The following HDAC9 variants were observed in gnomAD, a reference collection of about 807,000 sequenced individuals.
The protein encoded by HDAC9 is MEF-2 interacting transcription repressor (MITR) protein.
A neutral mutation model predicts 139.4 loss-of-function variants in HDAC9; 41 were observed. The ratio of observed to expected loss-of-function variants is 0.29; its 90% CI spans 0.23 to 0.38. The LOEUF (loss-of-function observed/expected upper bound fraction) is 0.38, where lower values mean the gene tolerates loss of function less well. HDAC9 is among the 10% of genes least tolerant of loss of function. The pLI is 1.00. For synonymous variants in HDAC9, 517 were observed against 476.2 expected (o/e 1.09, Z -1.12); for missense variants, 1,147 against 1,297.0 (o/e 0.88, Z 1.78).
chr7:18,949,594 T>C (rs1782648340), intron 23 of HDAC9: 1 of 187,458 alleles, frequency 5.3e-6, no homozygotes, highest in African/African-American at 2.4e-5. Flanking sequence ...CGATGTGCAA[T>C]TCATCATAGG....
At chr7:18,370,196 T>C (rs552920005) in intron 1 of HDAC9, among the ~76,000 whole-genome samples, 1 of 152,298 alleles carries the variant, frequency 6.6e-6, no homozygotes, top group South Asian at 2.1e-4. Flanking sequence ...CTGGGTTACC[T>C]TCTCCCTGTA....
At chr7:18,378,619 A>G (rs1176929852) in intron 1 of HDAC9, among the ~76,000 whole-genome samples, 1 of 152,098 alleles carries the variant, frequency 6.6e-6, no homozygotes, top group African/African-American at 2.4e-5. Context: ...ATACATATAC[A>G]TATAAATATA....
intron 1 of HDAC9, among the ~76,000 whole-genome samples, chr7:18,474,411 C>G (rs1190030226): frequency 6.6e-6 from 1 of 152,200 alleles, no homozygotes; most frequent in South Asian, 2.1e-4. Context: ...CTGCTCGACT[C>G]TAGCCACAAT....
At chr7:18,760,423 C>G (rs1163181796) in intron 14 of HDAC9, among the ~76,000 whole-genome samples, 3 of 152,124 alleles carry the variant, frequency 2.0e-5, no homozygotes, top group Non-Finnish European at 4.4e-5. Flanking sequence ...TCCCAGCAAG[C>G]TACTTGGTTC....
intron 1 of HDAC9, among the ~76,000 whole-genome samples, chr7:18,422,159 T>G (rs533301278): frequency 5.9e-5 from 9 of 152,338 alleles, no homozygotes; most frequent in African/African-American, 7.2e-5. Flanking sequence ...CCAAGCACAC[T>G]AAAGACTTTT....
chr7:18,210,196 G>T (rs1342492748), intron 2 of HDAC9, among the ~76,000 whole-genome samples: 1 of 152,024 alleles, frequency 6.6e-6, no homozygotes, highest in East Asian at 1.9e-4. Context: ...GATATTCTGT[G>T]GTGTTCTGTG....
At chr7:18,108,124 T>C (rs893237093) in intron 1 of HDAC9, among the ~76,000 whole-genome samples, 1 of 152,180 alleles carries the variant, frequency 6.6e-6, no homozygotes, top group Admixed American at 6.6e-5. Context: ...AGTTGGGATA[T>C]GATATCCTAG....
intron 2 of HDAC9, among the ~76,000 whole-genome samples, chr7:18,258,537 T>C (rs302194): frequency 0.4 from 60,586 of 152,000 alleles, 12,953 homozygotes; most frequent in Admixed American, 0.51. Context: ...AATTTAGTTG[T>C]AAACAAGTTG....
At position 18,434,555 on chromosome 7, in the gene HDAC9, A is replaced by G. The variant is rs1238164795; in HGVS notation, c.-41-61707A>G. On this transcript the variant is annotated intron_variant, in intron 1 of 3. Transcript: ENST00000413509. ...ATTTAATCAAATTAACAGGCAAAAA[A>G]CAACTCTATTAGGAAGTGGGTAAAG... Among the ~76,000 whole-genome samples, 6 of 152,190 alleles carry G rather than the reference A, an allele frequency of 3.9e-5. 1 individual carries two copies. The East Asian group carries it at 1.2e-3, about 29-fold the overall frequency.
chr7:18,831,284 A>G (rs1795839137), intron 19 of HDAC9, among the ~76,000 whole-genome samples: 1 of 152,214 alleles, frequency 6.6e-6, no homozygotes, highest in Non-Finnish European at 1.5e-5. Context: ...GAGACTTGAA[A>G]GCTAAAATGC....
intron 22 of HDAC9, among the ~76,000 whole-genome samples, chr7:18,893,981 A>C (rs1403062882): frequency 3.9e-5 from 6 of 152,178 alleles, no homozygotes; most frequent in Non-Finnish European, 7.4e-5. Flanking sequence ...TGAGATGTTC[A>C]AGAGAAAAGG....
chr7:18,962,905 T>C (rs1451290228), intron 24 of HDAC9, among the ~76,000 whole-genome samples: 1 of 152,154 alleles, frequency 6.6e-6, no homozygotes, highest in East Asian at 1.9e-4. Context: ...CTTCTACTGG[T>C]AAGAAGGAAA....
At chr7:18,197,399 T>A (rs1790803768) in intron 2 of HDAC9, among the ~76,000 whole-genome samples, 1 of 152,114 alleles carries the variant, frequency 6.6e-6, no homozygotes, top group African/African-American at 2.4e-5. Flanking sequence ...GGAAAATATA[T>A]TTGGTTTTGA....
At chr7:18,367,299 C>T (rs74909967) in intron 1 of HDAC9, among the ~76,000 whole-genome samples, 20 of 152,120 alleles carry the variant, frequency 1.3e-4, no homozygotes, top group Non-Finnish European at 2.4e-4. Flanking sequence ...AGCCATGGGA[C>T]TAGTCCTTGC....
chr7:18,654,639 A>G (rs181766496), intron 11 of HDAC9, among the ~76,000 whole-genome samples: 80 of 152,270 alleles, frequency 5.3e-4, no homozygotes, highest in Non-Finnish European at 8.7e-4. Context: ...TTTTATGACC[A>G]AGCAGGAAAC....
At chr7:18,766,140 A>G (rs935709586) in intron 15 of HDAC9, among the ~76,000 whole-genome samples, 3 of 152,210 alleles carry the variant, frequency 2.0e-5, no homozygotes, top group African/African-American at 7.2e-5. Context: ...GAACAAATTA[A>G]TGGGATAGGT....
At chr7:18,263,482 T>C (rs2128208253) in intron 2 of HDAC9, among the ~76,000 whole-genome samples, 1 of 152,330 alleles carries the variant, frequency 6.6e-6, no homozygotes, top group South Asian at 2.1e-4. Context: ...TTGATTTCTG[T>C]TCACCTGTTG....
At chr7:18,944,816 C>A (rs1420578545) in intron 23 of HDAC9, among the ~76,000 whole-genome samples, 2 of 152,056 alleles carry the variant, frequency 1.3e-5, no homozygotes, top group Non-Finnish European at 2.9e-5. Flanking sequence ...ATAATTCTTA[C>A]TCATTTTGCT....
intron 2 of HDAC9, among the ~76,000 whole-genome samples, chr7:18,257,399 TCC>T (rs1491198154): frequency 9.9e-4 from 118 of 118,698 alleles, no homozygotes; most frequent in Non-Finnish European, 1.5e-3. Flanking sequence ...TCTCTGTCTC[TCC>T]CACACACACA....
Sources: gnomAD v4.1 joint callset for allele counts (sites outside exome capture counted in the v4.1 genomes callset) on GRCh38, gnomAD v4.1.1 for gene constraint, MANE v1.5 for transcripts, NCBI Gene and HGNC (gene_info 2026-07-23, HGNC 2026-07-21) for gene names.